Variants in CGNL1 observed in about 807,000 individuals in gnomAD.
CGNL1 encodes the protein cingulin like 1.
CGNL1 carries 132 observed loss-of-function variants against 141.2 expected under a neutral mutation model. That is an observed-to-expected ratio of 0.93 (90% confidence interval 0.81 to 1.08). The LOEUF (loss-of-function observed/expected upper bound fraction) is 1.08, where lower values mean the gene tolerates loss of function less well. CGNL1 is among the 50% of genes least tolerant of loss of function. The pLI, the probability that CGNL1 is intolerant of heterozygous loss-of-function variation, is 0.00. For missense variants in CGNL1, 1,870 were observed against 1,588.6 expected, an observed-to-expected ratio of 1.18 and a Z score of -3.01; for synonymous variants, 690 against 622.1, an observed-to-expected ratio of 1.11 and a Z score of -1.63.
chr15:57,496,160 A>T (rs75205847), intron 8 of CGNL1, among the ~76,000 whole-genome samples: 39 of 152,330 alleles, frequency 2.6e-4, no homozygotes, highest in African/African-American at 7.9e-4. Flanking sequence ...ATACATTAAA[A>T]ACAAAACAAA....
intron 8 of CGNL1, among the ~76,000 whole-genome samples, chr15:57,490,616 C>G (rs2063846374): frequency 6.6e-6 from 1 of 152,170 alleles, no homozygotes; most frequent in Non-Finnish European, 1.5e-5. Flanking sequence ...ACTCTACCTT[C>G]TGGAAGAGTT....
chr15:57,544,115 G>A (rs1217645071), intron 15 of CGNL1, among the ~76,000 whole-genome samples: 1 of 152,186 alleles, frequency 6.6e-6, no homozygotes, highest in East Asian at 1.9e-4. Flanking sequence ...CATGATTTCT[G>A]TTCATGTTCT....
chr15:57,478,078 A>G (rs1274000082), intron 8 of CGNL1: 1 of 152,196 alleles, frequency 6.6e-6, no homozygotes, highest in Non-Finnish European at 1.5e-5. Flanking sequence ...TCTTGTTTTG[A>G]GGTTAATCCT....
Position 57,446,644 on chromosome 15 carries a change from G to A in CGNL1, c.1803+4166G>A, listed in dbSNP as rs193152796. Among the ~76,000 whole-genome samples, 10 of 143,990 alleles carry A rather than the reference G, an allele frequency of 6.9e-5. No individual in the cohort carries two copies. The East Asian group carries it at 8.0e-4, about 12-fold the overall frequency. The allele number at this position is 143,990 out of a possible 152,430, so 94.5% of individuals were successfully genotyped here. Reference sequence around the variant, plus strand: ...CATTTCTGGTATTTAGCTGCTAGGTGTAATGCCAAACTGAACATTACTTTT... The same window carrying A: ...CATTTCTGGTATTTAGCTGCTAGGTATAATGCCAAACTGAACATTACTTTT... On this transcript the variant is annotated intron_variant, in intron 4 of 18. Transcript: ENST00000281282.
chr15:57,521,531 C>G (rs1184377810), intron 10 of CGNL1, among the ~76,000 whole-genome samples: 1 of 152,188 alleles, frequency 6.6e-6, no homozygotes, highest in East Asian at 1.9e-4. Context: ...GAAAGTCTCT[C>G]CCTTGCCTTT....
At chr15:57,446,967 T>C (rs1178552655) in intron 4 of CGNL1, among the ~76,000 whole-genome samples, 1 of 152,208 alleles carries the variant, frequency 6.6e-6, no homozygotes, top group African/African-American at 2.4e-5. Flanking sequence ...GGTAGCTTTA[T>C]TCTTCTCCGA....
chr15:57,516,372 G>A (rs60660064), intron 8 of CGNL1, among the ~76,000 whole-genome samples: 52,959 of 151,886 alleles, frequency 0.35, 9,885 homozygotes, highest in Non-Finnish European at 0.42. Context: ...AATAGCACCC[G>A]CCTTCTGGAA....
At chr15:57,392,329 G>A (rs1438367653) in intron 1 of CGNL1, among the ~76,000 whole-genome samples, 1 of 152,176 alleles carries the variant, frequency 6.6e-6, no homozygotes, top group Non-Finnish European at 1.5e-5. Context: ...TGTGTGATCA[G>A]CCTAGAGGGA....
At chr15:57,451,458 C>G in intron 4 of CGNL1, 42 bp from the exon 5 acceptor site, 1 of 1,382,708 alleles carries the variant, frequency 7.2e-7, no homozygotes, top group Non-Finnish European at 1.0e-6. Flanking sequence ...AAATAAAGCA[C>G]CCTGAACATT....
At chr15:57,539,213 T>G (rs2032431853) in intron 14 of CGNL1, among the ~76,000 whole-genome samples, 1 of 152,096 alleles carries the variant, frequency 6.6e-6, no homozygotes, top group Non-Finnish European at 1.5e-5. Flanking sequence ...AAGCCTTCAG[T>G]TTTTCTTTAT....
chr15:57,417,502 G>A lies in CGNL1; in HGVS notation c.-15-20483G>A, dbSNP rs1346101899. The stretch of plus-strand genomic sequence containing the variant: ...ACCTGCCTTGGCCTCCTAAAATGCT[G>A]GGATTTTAGGCATGAGCCACTGCAC... On this transcript the variant is annotated intron_variant, in intron 1 of 18. Coordinates refer to ENST00000281282, the MANE Select transcript of CGNL1 (RefSeq NM_032866.5). 2.6e-5 allele frequency among the ~76,000 whole-genome samples: 4 copies of A among 152,240 alleles called. No individual in the cohort carries two copies. The East Asian group carries it at 7.7e-4, about 29-fold the overall frequency.
chr15:57,454,182 G>T (rs1403183150), intron 7 of CGNL1, among the ~76,000 whole-genome samples: 2 of 152,130 alleles, frequency 1.3e-5, no homozygotes, highest in African/African-American at 4.8e-5. Flanking sequence ...ACCCATTTAG[G>T]TGTTTGATGT....
intron 1 of CGNL1, among the ~76,000 whole-genome samples, chr15:57,412,624 G>C (rs1301583779): frequency 6.6e-6 from 1 of 152,142 alleles, no homozygotes; most frequent in East Asian, 1.9e-4. Context: ...AAACAGCCTA[G>C]TTTATCTTGA....
intron 1 of CGNL1, among the ~76,000 whole-genome samples, chr15:57,382,359 G>A (rs977102307): frequency 6.6e-6 from 1 of 152,214 alleles, no homozygotes; most frequent in Admixed American, 6.5e-5. Flanking sequence ...TGGAGTTAGA[G>A]TGTTTGGGAT....
intron 8 of CGNL1, among the ~76,000 whole-genome samples, chr15:57,508,708 A>G (rs1403759733): frequency 6.6e-6 from 1 of 152,230 alleles, no homozygotes; most frequent in East Asian, 1.9e-4. Context: ...AAATCTCTGC[A>G]GAAAGGCCCT....
In CGNL1 at chr15:57,438,925, T is replaced by C. The variant is rs147209733; in HGVS notation, c.926T>C (p.Leu309Ser). ...ACAACTCCCACGTCAGCCAACTCTT[T>C]GTACAGGTTTTTACTGGATGATCAG... ...SSTTPTSANSLYRFLLDDQEC... is the reference protein window; with the variant it reads ...SSTTPTSANSSYRFLLDDQEC... The change falls in exon 2 of 19, where the codon TTG becomes TCG. Residue 309 changes from leucine to serine, a missense_variant. Leu to Ser is a moderately radical substitution (Grantham distance 145). Coordinates refer to ENST00000281282, the MANE Select transcript of CGNL1 (RefSeq NM_032866.5). The C allele has an allele frequency of 7.1e-4, 1,144 of 1,614,202 alleles. 8 individuals carry two copies. The African/African-American group carries it at 0.014, about 19-fold the overall frequency.
At chr15:57,501,241 C>T (rs1442373409) in intron 8 of CGNL1, among the ~76,000 whole-genome samples, 3 of 152,180 alleles carry the variant, frequency 2.0e-5, no homozygotes, top group African/African-American at 7.2e-5. Context: ...CCTGGCTCTG[C>T]TGCTTATACC....
chr15:57,531,652 G>A, intron 13 of CGNL1, 38 bp from the exon 14 acceptor site: 1 of 1,374,390 alleles, frequency 7.3e-7, no homozygotes, highest in South Asian at 1.2e-5. Context: ...CCCGGTCAGT[G>A]CAAGTTAAGT....
intron 8 of CGNL1, among the ~76,000 whole-genome samples, chr15:57,490,062 A>G (rs564847627): frequency 3.3e-5 from 5 of 152,160 alleles, no homozygotes; most frequent in Non-Finnish European, 5.9e-5. Flanking sequence ...GACAGACACA[A>G]TTTCTCTACT....
Sources: allele counts gnomAD v4.1 joint callset (sites outside exome capture counted in the v4.1 genomes callset), GRCh38; gene constraint gnomAD v4.1.1; transcripts MANE v1.5; gene names NCBI Gene and HGNC (gene_info 2026-07-23, HGNC 2026-07-21).